Variants in TOP2B observed in about 807,000 individuals in gnomAD.
TOP2B encodes DNA topoisomerase 2-beta.
TOP2B carries 51 observed loss-of-function variants against 193.5 expected under a neutral mutation model. The ratio of observed to expected loss-of-function variants is 0.26; its 90% CI spans 0.21 to 0.33. The LOEUF (loss-of-function observed/expected upper bound fraction) is 0.33. Ranked by LOEUF, TOP2B falls within the 10% of genes least tolerant of loss-of-function variation. TOP2B has a pLI of 1.00. For missense variants in TOP2B, 1,378 were observed against 1,909.3 expected (o/e 0.72, Z 5.19); for synonymous variants, 634 against 635.7 (o/e 1.00, Z 0.04).
intron 15 of TOP2B, among the ~76,000 whole-genome samples, chr3:25,627,741 G>A (rs1702843204): frequency 6.6e-6 from 1 of 152,112 alleles, no homozygotes; most frequent in African/African-American, 2.4e-5. Context: ...AATGCAATGT[G>A]TGGACCTTAC....
chr3:25,619,651 A>C (rs1192811652), intron 23 of TOP2B, among the ~76,000 whole-genome samples: 1 of 151,944 alleles, frequency 6.6e-6, no homozygotes, highest in East Asian at 1.9e-4. Context: ...GCCCAGATGC[A>C]TAAACACAGA....
chr3:25,616,995 A>G (rs556399319), intron 25 of TOP2B, among the ~76,000 whole-genome samples: 2 of 152,198 alleles, frequency 1.3e-5, no homozygotes, highest in East Asian at 3.9e-4. Context: ...CCAACTCTGT[A>G]TAATAGGACA....
chr3:25,643,034 A>G (rs368871241), intron 3 of TOP2B, among the ~76,000 whole-genome samples: 2 of 152,310 alleles, frequency 1.3e-5, no homozygotes, highest in African/African-American at 4.8e-5. Context: ...ATAAAATGCA[A>G]CACAGTTTTA....
chr3:25,609,588 T>G lies in TOP2B; in HGVS notation c.3911A>C (p.Lys1304Thr). ...SVPINKGPKP[K>T]REKKEPGTRV... is the part of the protein sequence containing the mutation. ...CTCACCAGGCTCCTTCTTCTCCCTC[T>G]TAGGTTTGGGACCTTTATTTATAGG... The change falls in exon 29 of 36, where the codon AAG (lysine) becomes ACG (threonine). Residue 1304 changes from lysine to threonine, a missense_variant. By Grantham distance (78) the Lys-to-Thr change is moderately conservative. Coordinates refer to ENST00000264331, the MANE Select transcript of TOP2B (RefSeq NM_001330700.2). 6.2e-7 allele frequency: 1 copy of G among 1,605,890 alleles called. No homozygotes were observed. The highest frequency in any genetic ancestry group is 8.5e-7 in the Non-Finnish European group (1 of 1,175,856).
At position 25,602,418 on chromosome 3, in the gene TOP2B, A is replaced by AG. The variant is rs1553639170; in HGVS notation, c.4490-1194_4490-1193insC. On this transcript the variant is annotated intron_variant, in intron 33 of 35. Coordinates refer to ENST00000264331, the MANE Select transcript of TOP2B (RefSeq NM_001330700.2). ...TCTCAAAAAAAAAAAAAGAAAAAGA[A>AG]AAAAAAAAAACTGATAAATCACTTT... 2.1e-3 allele frequency among the ~76,000 whole-genome samples: 217 copies of AG among 104,968 alleles called. 2 individuals carry two copies. The highest frequency in any genetic ancestry group is 3.0e-3 in the South Asian group (10 of 3,320). The allele number at this position is 104,968 out of a possible 152,430, so 68.9% of individuals were successfully genotyped here. A position where few individuals can be genotyped will look rare whatever the true frequency, so the allele number is the denominator to read the frequency against.
chr3:25,617,627 T>A (rs1051383629), intron 25 of TOP2B, among the ~76,000 whole-genome samples: 1 of 152,176 alleles, frequency 6.6e-6, no homozygotes, highest in Non-Finnish European at 1.5e-5. Flanking sequence ...AAGATGTTAA[T>A]GTTATGGAAT....
chr3:25,617,452 A>C (rs1180264051), intron 25 of TOP2B, among the ~76,000 whole-genome samples: 1 of 152,152 alleles, frequency 6.6e-6, no homozygotes, highest in Admixed American at 6.5e-5. Flanking sequence ...GTCTAATTTT[A>C]CTCACTTTAA....
chr3:25,599,355 A>T (rs1315647864), intron 35 of TOP2B, 80 bp downstream of exon 35: 1 of 1,340,016 alleles, frequency 7.5e-7, no homozygotes, highest in Non-Finnish European at 1.0e-6. Flanking sequence ...TTCCAGGACT[A>T]TAGTCATAAG....
rs1452239546 is a variant in TOP2B at position 25,632,843 on chromosome 3, A to G, written c.1027-49T>C. ...ATCTGAAATCCTGTATTGTTAAAGT[A>G]GCAAAATACTTTATCTGTATTATAA... On this transcript the variant is annotated intron_variant, in intron 8 of 35. Coordinates refer to ENST00000264331, the MANE Select transcript of TOP2B (RefSeq NM_001330700.2). 2.8e-6 allele frequency: 4 copies of G among 1,441,374 alleles called. No individual in the cohort carries two copies. The South Asian group carries it at 4.7e-5, about 17-fold the overall frequency. The allele number at this position is 1,441,374 out of a possible 1,614,324, so 89.3% of individuals were successfully genotyped here.
chr3:25,645,071 A>C (rs1164542695), intron 2 of TOP2B, among the ~76,000 whole-genome samples: 2 of 151,822 alleles, frequency 1.3e-5, no homozygotes, highest in African/African-American at 4.8e-5. Context: ...CGGCCTCCCA[A>C]AGTGCTGGGA....
At chr3:25,638,851 A>G (rs1249493892) in intron 4 of TOP2B, among the ~76,000 whole-genome samples, 1 of 152,188 alleles carries the variant, frequency 6.6e-6, no homozygotes, top group East Asian at 1.9e-4. Context: ...TGTAATCTCT[A>G]AACAATTATT....
chr3:25,611,506 C>T (rs1214449273), intron 28 of TOP2B, among the ~76,000 whole-genome samples: 1 of 152,194 alleles, frequency 6.6e-6, no homozygotes. Flanking sequence ...TATATTCCCA[C>T]CTACTTGTTG....
chr3:25,634,789 A>AAAAAAC (rs1703056555), intron 7 of TOP2B, among the ~76,000 whole-genome samples: 1 of 143,892 alleles, frequency 6.9e-6, no homozygotes, highest in African/African-American at 2.6e-5. Context: ...AAAAAAAAAA[A>AAAAAAC]AAAAAAAACC....
intron 27 of TOP2B, among the ~76,000 whole-genome samples, chr3:25,614,621 T>TAA (rs879768320): frequency 6.8e-6 from 1 of 145,994 alleles, no homozygotes; most frequent in Non-Finnish European, 1.5e-5. Flanking sequence ...AAAGCAACTT[T>TAA]AAAAAAAAAA....
intron 4 of TOP2B, among the ~76,000 whole-genome samples, chr3:25,641,123 C>T: frequency 6.6e-6 from 1 of 152,088 alleles, no homozygotes; most frequent in East Asian, 1.9e-4. Context: ...GCATGCTATA[C>T]ACTATTTCTT....
chr3:25,638,059 C>A lies in TOP2B; in HGVS notation c.541+106G>T. 3 of 1,030,016 alleles carry A rather than the reference C, an allele frequency of 2.9e-6. No individual in the cohort carries two copies. In the East Asian group the frequency reaches 8.3e-5, roughly 29 times the overall value. 63.8% of individuals were successfully genotyped at this position (1,030,016 alleles called of 1,614,324 possible). On this transcript the variant is annotated intron_variant, in intron 5 of 35. Transcript: ENST00000264331. ...ACATGATAGTTTATAAATATTAATTCTGACAATGATTTTCTCACACCAAAA... is the reference window on the plus strand; with the variant it reads ...ACATGATAGTTTATAAATATTAATTATGACAATGATTTTCTCACACCAAAA...
intron 2 of TOP2B, 32 bp downstream of exon 2, chr3:25,645,268 T>G: frequency 6.7e-7 from 1 of 1,485,998 alleles, no homozygotes; most frequent in Non-Finnish European, 9.0e-7. Context: ...GATGCACATC[T>G]CCTAATTTCA....
intron 7 of TOP2B, 95 bp from the exon 8 acceptor site, chr3:25,634,109 C>T: frequency 1.1e-6 from 1 of 929,602 alleles, no homozygotes; most frequent in Non-Finnish European, 1.6e-6. Flanking sequence ...TTTCCTCTCA[C>T]TTACAACAGT....
chr3:25,660,896 T>C (rs902814079), intron 1 of TOP2B, among the ~76,000 whole-genome samples: 3 of 152,172 alleles, frequency 2.0e-5, no homozygotes, highest in African/African-American at 7.2e-5. Context: ...GACTTTACTG[T>C]TAGAGATAAA....
Sources: gnomAD v4.1 joint callset for allele counts (sites outside exome capture counted in the v4.1 genomes callset) on GRCh38, gnomAD v4.1.1 for gene constraint, MANE v1.5 for transcripts, NCBI Gene and HGNC (gene_info 2026-07-23, HGNC 2026-07-21) for gene names.